The following CHD5 variants were observed in gnomAD, a reference collection of about 807,000 sequenced individuals.
CHD5 encodes the protein chromodomain helicase DNA binding protein 5.
Under a neutral mutation model 230.3 loss-of-function variants are expected in CHD5, and 69 were observed. The observed-to-expected ratio is 0.30, with a 90% confidence interval of 0.25 to 0.37. The LOEUF (loss-of-function observed/expected upper bound fraction) is 0.37. Ranked by LOEUF, CHD5 falls within the 10% of genes least tolerant of loss-of-function variation. The pLI, the probability that CHD5 is intolerant of heterozygous loss-of-function variation, is 1.00. For synonymous variants in CHD5, 1,064 were observed against 1,065.9 expected (o/e 1.00, Z 0.03); for missense variants, 1,827 against 2,622.8 (o/e 0.70, Z 6.63).
chr1:6,170,199 A>G (rs561830865), intron 1 of CHD5, among the ~76,000 whole-genome samples: 34 of 152,116 alleles, frequency 2.2e-4, no homozygotes, highest in African/African-American at 8.0e-4. Flanking sequence ...GGCGACCCCC[A>G]GTGTGGCCCA....
Position 6,142,774 on chromosome 1 carries a change from C to T in CHD5, c.2044-169G>A, listed in dbSNP as rs1055040656. ...ATGGAACACCTCTTCCTCTAGGAAG[C>T]CCTCCCTGACTCCCAGCCTGGCTGA... On this transcript the variant is annotated intron_variant, in intron 13 of 41. Transcript: ENST00000262450. This position sits in a 1 kb window ranked among gnomAD's most constrained non-coding sequence, Gnocchi z 5.2. 6.6e-6 allele frequency among the ~76,000 whole-genome samples: 1 copy of T among 152,226 alleles called. No homozygotes were observed. Among genetic ancestry groups the T allele is most frequent in the African/African-American group, 2.4e-5 (1 of 41,462 alleles).
At chr1:6,112,783 C>G (rs1557537201) in intron 34 of CHD5, 126 bp downstream of exon 34, 1 of 671,892 alleles carries the variant, frequency 1.5e-6, no homozygotes, top group Non-Finnish European at 2.6e-6. Context: ...CTCCCACCTG[C>G]CAGCTCCAAT....
At chr1:6,113,079 T>A in intron 33 of CHD5, 81 bp from the exon 34 acceptor site, 1 of 927,894 alleles carries the variant, frequency 1.1e-6, no homozygotes, top group Admixed American at 1.8e-5. Context: ...TTTCCACCCA[T>A]GGAACCCTAT....
At position 6,154,948 on chromosome 1, in the gene CHD5, G is replaced by T; in HGVS notation, c.507-50C>A. ...GAGGGCAAGGCCAGGTGAGATGAGAGGCCCACCCGACCCCCGGCAGGGCCC... is the reference window on the plus strand; with the variant it reads ...GAGGGCAAGGCCAGGTGAGATGAGATGCCCACCCGACCCCCGGCAGGGCCC... On this transcript the variant is annotated intron_variant, in intron 4 of 41. Coordinates refer to ENST00000262450, the MANE Select transcript of CHD5 (RefSeq NM_015557.3). This position sits in a 1 kb window ranked among gnomAD's most constrained non-coding sequence, Gnocchi z 7.0. 1 of 1,524,638 alleles carries T rather than the reference G, an allele frequency of 6.6e-7. No homozygotes were observed. The highest frequency in any genetic ancestry group is 9.0e-7 in the Non-Finnish European group (1 of 1,112,678). The allele number at this position is 1,524,638 out of a possible 1,614,324, so 94.4% of individuals were successfully genotyped here. A position where few individuals can be genotyped will look rare whatever the true frequency, so the allele number is the denominator to read the frequency against.
intron 38 of CHD5, among the ~76,000 whole-genome samples, chr1:6,108,882 G>C (rs1457155416): frequency 6.7e-6 from 1 of 149,146 alleles, no homozygotes; most frequent in African/African-American, 2.5e-5. Context: ...CGGAGGCATG[G>C]AGGGATGATG....
chr1:6,159,233 A>T (rs1667129218), intron 3 of CHD5, 103 bp downstream of exon 3: 2 of 1,034,344 alleles, frequency 1.9e-6, no homozygotes, highest in African/African-American at 4.2e-5. Context: ...TCCATCACAC[A>T]CACACACACA....
chr1:6,144,219 G>A (rs1235499076), intron 11 of CHD5, 64 bp from the exon 12 acceptor site: 8 of 1,601,226 alleles, frequency 5.0e-6, no homozygotes, highest in Non-Finnish European at 5.1e-6. Context: ...TTTGATGAAG[G>A]GCACCTCCCA....
rs1666135107 is a variant in CHD5 at position 6,104,811 on chromosome 1, G to C, written c.*663C>G. ...CACCTGGCGGCCTCCAGCCTTGGCA[G>C]GAAGGAGGGGAAATGTCAGCCAGGG... On this transcript the variant is annotated 3_prime_UTR_variant, in exon 42 of 42. Transcript: ENST00000262450. 6.5e-6 allele frequency: 1 copy of C among 153,054 alleles called. No individual in the cohort carries two copies. The highest frequency in any genetic ancestry group is 2.4e-5 in the African/African-American group (1 of 41,578). 9.5% of individuals were successfully genotyped at this position (153,054 alleles called of 1,614,324 possible). A position where few individuals can be genotyped will look rare whatever the true frequency, so the allele number is the denominator to read the frequency against.
chr1:6,140,967 A>AAATAATAATAATAATAATAATAATAAT (rs60543576), intron 15 of CHD5, among the ~76,000 whole-genome samples: 35 of 139,932 alleles, frequency 2.5e-4, no homozygotes, highest in African/African-American at 9.1e-4. Context: ...CCCTGTCTCA[A>AAATAATAATAATAATAATAATAATAAT]AATAATAATA....
intron 1 of CHD5, among the ~76,000 whole-genome samples, chr1:6,175,283 GATGGATGGTGGATGGATGAATGA>G (rs1557566325): frequency 1.4e-5 from 2 of 139,774 alleles, no homozygotes; most frequent in Non-Finnish European, 3.0e-5. Context: ...TGGATGCATG[GATGGATGGTGGATGGATGAATGA>G]ATGGATGGTG....
At chr1:6,149,958 A>G in intron 7 of CHD5, among the ~76,000 whole-genome samples, 1 of 150,618 alleles carries the variant, frequency 6.6e-6, no homozygotes, top group Middle Eastern at 3.2e-3. Flanking sequence ...AAATGGATGG[A>G]TGAATGGATG....
In CHD5 at chr1:6,115,176, G is replaced by A. The variant is rs187975526; in HGVS notation, c.4913-2178C>T. Among the ~76,000 whole-genome samples, 243 of 151,414 alleles carry A rather than the reference G, an allele frequency of 1.6e-3. 1 individual carries two copies. The highest frequency in any genetic ancestry group is 5.7e-3 in the African/African-American group (234 of 41,242). On this transcript the variant is annotated intron_variant, in intron 33 of 41. Coordinates refer to ENST00000262450, the MANE Select transcript of CHD5 (RefSeq NM_015557.3). ...AAATACAAAAAATTAGCCAGACTTC[G>A]TTAGCCGGGCGTGGTGGCGGGTGCC... is the stretch of plus-strand genomic sequence containing the variant.
At chr1:6,122,384 G>A (rs80028342) in intron 31 of CHD5, among the ~76,000 whole-genome samples, 6,514 of 152,254 alleles carry the variant, frequency 0.043, 181 homozygotes, top group Non-Finnish European at 0.062. Flanking sequence ...TACGCACACC[G>A]AACAACATTC....
chr1:6,169,831 G>C (rs1414638179), intron 1 of CHD5, among the ~76,000 whole-genome samples: 3 of 152,114 alleles, frequency 2.0e-5, no homozygotes, highest in African/African-American at 4.8e-5. Context: ...TGTGCACTCA[G>C]GAGCACTCAG....
chr1:6,169,133 C>T (rs76889882), intron 1 of CHD5, among the ~76,000 whole-genome samples: 24 of 152,120 alleles, frequency 1.6e-4, no homozygotes, highest in Non-Finnish European at 3.2e-4. Flanking sequence ...TGCCAGGATA[C>T]CCCATGGGTT....
rs568346604 is a variant in CHD5, at chr1:6,124,464, C to T, written c.4539+53G>A. On this transcript the variant is annotated intron_variant, in intron 30 of 41. Coordinates refer to ENST00000262450, the MANE Select transcript of CHD5 (RefSeq NM_015557.3). ...GACCACTGACCCACAAGGGACAGCACCAGGAGCCCAGGCAGCCACCAGGAA... is the reference window on the plus strand; with the variant it reads ...GACCACTGACCCACAAGGGACAGCATCAGGAGCCCAGGCAGCCACCAGGAA... 5.0e-6 allele frequency: 8 copies of T among 1,603,168 alleles called. No homozygotes were observed. The African/African-American group carries it at 1.1e-4, about 21-fold the overall frequency.
chr1:6,147,987 A>C (rs1170882293), intron 9 of CHD5, among the ~76,000 whole-genome samples: 4 of 149,938 alleles, frequency 2.7e-5, no homozygotes, highest in Non-Finnish European at 4.4e-5. Context: ...GAGGAACCCC[A>C]CTCCTGCCCC....
At chr1:6,168,335 G>A (rs1337657666) in intron 1 of CHD5, 58 bp from the exon 2 acceptor site, 2 of 1,532,786 alleles carry the variant, frequency 1.3e-6, no homozygotes, top group Non-Finnish European at 1.8e-6. Flanking sequence ...GAGAGCCCTG[G>A]AGACACAGAG....
chr1:6,145,100 G>A (rs1017900616), intron 11 of CHD5, among the ~76,000 whole-genome samples: 1 of 152,160 alleles, frequency 6.6e-6, no homozygotes, highest in Non-Finnish European at 1.5e-5. Context: ...TTCTCAGGGA[G>A]GCCTGGGGAG....
Sources: gnomAD v4.1 joint callset for allele counts (sites outside exome capture counted in the v4.1 genomes callset) on GRCh38, gnomAD v4.1.1 for gene constraint, Gnocchi (gnomAD v3.1) non-coding constraint, MANE v1.5 for transcripts, NCBI Gene and HGNC (gene_info 2026-07-23, HGNC 2026-07-21) for gene names.